The following CHN2 variants were observed in gnomAD, a reference collection of about 807,000 sequenced individuals.
The protein encoded by CHN2 is beta-chimaerin.
Under a neutral mutation model 56.3 loss-of-function variants are expected in CHN2, and 35 were observed. That is an observed-to-expected ratio of 0.62 (90% CI 0.47 to 0.82). The LOEUF (loss-of-function observed/expected upper bound fraction) is 0.82, where lower values mean the gene tolerates loss of function less well. Ranked by LOEUF, CHN2 falls within the 40% of genes least tolerant of loss-of-function variation. The probability of loss-of-function intolerance (pLI) is 0.00; values close to 1 mark genes in which losing one functional copy is unlikely to be tolerated. For synonymous variants in CHN2, 210 were observed against 212.8 expected (o/e 0.99, Z 0.12); for missense variants, 491 against 580.5 (o/e 0.85, Z 1.58).
chr7:29,316,361 T>G (rs896244813), intron 1 of CHN2, among the ~76,000 whole-genome samples: 2 of 152,246 alleles, frequency 1.3e-5, no homozygotes, highest in Non-Finnish European at 2.9e-5. Flanking sequence ...TTTTCTTTTA[T>G]AATTTCAGGT....
rs377666243 is a variant in CHN2, at chr7:29,445,673, G to T, written c.577-34606G>T. 2.0e-5 allele frequency among the ~76,000 whole-genome samples: 3 copies of T among 151,626 alleles called. No homozygotes were observed. In the East Asian group the frequency reaches 5.8e-4, roughly 29 times the overall value. On this transcript the variant is annotated intron_variant, in intron 6 of 12. Transcript: ENST00000222792. ...GTAATCACTGCTATAATCAACTCAG[G>T]TTTGCTTTTTGTTGGGGGTTCTTGT...
chr7:29,300,388 G>T (rs552288285), intron 1 of CHN2, among the ~76,000 whole-genome samples: 2 of 152,322 alleles, frequency 1.3e-5, no homozygotes, highest in Admixed American at 1.3e-4. Context: ...AGTGAGCTAG[G>T]GAGAGGAGGG....
intron 6 of CHN2, among the ~76,000 whole-genome samples, chr7:29,410,572 G>A (rs1163153442): frequency 6.6e-6 from 1 of 152,100 alleles, no homozygotes; most frequent in African/African-American, 2.4e-5. Flanking sequence ...CTTGTTTGAG[G>A]AGTCTTAGCC....
intron 2 of CHN2, among the ~76,000 whole-genome samples, chr7:29,179,424 A>G (rs1797787111): frequency 1.3e-5 from 2 of 152,230 alleles, no homozygotes; most frequent in Non-Finnish European, 2.9e-5. Context: ...ACAGAAACTC[A>G]GGCTGAAGTT....
chr7:29,480,216 G>C, intron 6 of CHN2, 63 bp from the exon 7 acceptor site: 1 of 1,613,996 alleles, frequency 6.2e-7, no homozygotes, highest in Middle Eastern at 1.6e-4. Flanking sequence ...AGCCTTCGGG[G>C]TGAAGGTGGG....
chr7:29,482,804 T>C (rs1403188702), intron 7 of CHN2, among the ~76,000 whole-genome samples: 6 of 13,888 alleles, frequency 4.3e-4, no homozygotes, highest in African/African-American at 1.2e-3. Context: ...TTTCTTTTTT[T>C]TTTTTTTTTT....
chr7:29,400,409 A>C, intron 5 of CHN2, 134 bp from the exon 6 acceptor site: 1 of 873,712 alleles, frequency 1.1e-6, no homozygotes, highest in Non-Finnish European at 1.8e-6. Context: ...GTTAGGGGAA[A>C]AAAAATCACA....
chr7:29,311,890 C>T (rs944169015), intron 1 of CHN2, among the ~76,000 whole-genome samples: 1 of 152,120 alleles, frequency 6.6e-6, no homozygotes, highest in Non-Finnish European at 1.5e-5. Flanking sequence ...GTCTTGCCCT[C>T]AATAATGGAG....
intron 1 of CHN2, among the ~76,000 whole-genome samples, chr7:29,338,946 T>G (rs148433502): frequency 9.6e-4 from 146 of 152,014 alleles, no homozygotes; most frequent in African/African-American, 3.3e-3. Flanking sequence ...AGACTATTAA[T>G]AAAGGCTAAG....
At chr7:29,167,071 A>T (rs566355476) in intron 2 of CHN2, among the ~76,000 whole-genome samples, 1 of 152,280 alleles carries the variant, frequency 6.6e-6, no homozygotes, top group South Asian at 2.1e-4. Flanking sequence ...ACTCCAAACA[A>T]CTTGACGAAA....
At chr7:29,486,603 T>C (rs1483971219) in intron 7 of CHN2, among the ~76,000 whole-genome samples, 1 of 152,022 alleles carries the variant, frequency 6.6e-6, no homozygotes, top group Non-Finnish European at 1.5e-5. Context: ...TTCAAAAGCA[T>C]CCCATCAGGA....
At chr7:29,257,762 G>A (rs533530839) in intron 1 of CHN2, among the ~76,000 whole-genome samples, 1 of 152,150 alleles carries the variant, frequency 6.6e-6, no homozygotes, top group South Asian at 2.1e-4. Context: ...TATCCATTCT[G>A]TACACTCAAG....
intron 2 of CHN2, among the ~76,000 whole-genome samples, chr7:29,363,636 T>G (rs1173394005): frequency 1.3e-5 from 2 of 152,150 alleles, no homozygotes; most frequent in Non-Finnish European, 2.9e-5. Flanking sequence ...AAACATAATA[T>G]TTATTTCTTG....
chr7:29,327,037 A>G (rs1427891993), intron 1 of CHN2, among the ~76,000 whole-genome samples: 1 of 152,146 alleles, frequency 6.6e-6, no homozygotes, highest in Non-Finnish European at 1.5e-5. Flanking sequence ...CAAGGCTATT[A>G]ATCACCTTGC....
intron 1 of CHN2, among the ~76,000 whole-genome samples, chr7:29,248,334 C>T (rs1240226598): frequency 2.6e-5 from 4 of 152,242 alleles, no homozygotes; most frequent in African/African-American, 9.6e-5. Flanking sequence ...CTGCCTTCAG[C>T]CTGCTCCCTT....
At chr7:29,196,015 GA>G (rs1401068617) in intron 1 of CHN2, among the ~76,000 whole-genome samples, 28 of 152,326 alleles carry the variant, frequency 1.8e-4, no homozygotes, top group African/African-American at 6.7e-4. Context: ...AGAAGGTCAT[GA>G]AGTCCTAATG....
At chr7:29,296,377 G>A (rs1562897852) in intron 1 of CHN2, among the ~76,000 whole-genome samples, 2 of 151,956 alleles carry the variant, frequency 1.3e-5, no homozygotes, top group South Asian at 2.1e-4. Flanking sequence ...GAGCCACCAT[G>A]CCCAGCCGTA....
chr7:29,430,567 A>G (rs1253581334), intron 6 of CHN2, among the ~76,000 whole-genome samples: 1 of 152,296 alleles, frequency 6.6e-6, no homozygotes, highest in African/African-American at 2.4e-5. Flanking sequence ...AGTCTGCTCT[A>G]AACAACTGGC....
chr7:29,483,715 C>A, intron 7 of CHN2: 2 of 494,812 alleles, frequency 4.0e-6, no homozygotes, highest in Non-Finnish European at 5.6e-6. Context: ...TTTGAATGGT[C>A]CACCCTAATA....
Sources: gnomAD v4.1 joint callset for allele counts (sites outside exome capture counted in the v4.1 genomes callset) on GRCh38, gnomAD v4.1.1 for gene constraint, MANE v1.5 for transcripts, NCBI Gene and HGNC (gene_info 2026-07-23, HGNC 2026-07-21) for gene names.